F8: variants seen among roughly 807,000 people sequenced by gnomAD.
F8 encodes the protein coagulation factor VIII, also known as antihemophilic factor.
F8 carries 12 observed loss-of-function variants against 140.6 expected under a neutral mutation model. The ratio of observed to expected loss-of-function variants is 0.09; its 90% CI spans 0.05 to 0.14. The LOEUF is 0.14. Ranked by LOEUF, F8 falls within the 10% of genes least tolerant of loss-of-function variation. The pLI is 1.00. For missense variants in F8, 1,354 were observed against 1,720.7 expected (o/e 0.79, Z 3.77); for synonymous variants, 585 against 614.6 (o/e 0.95, Z 0.71).
intron 13 of F8, among the ~76,000 whole-genome samples, chrX:154,946,161 T>C (rs1243249977): frequency 8.9e-6 from 1 of 112,098 alleles, no homozygotes; most frequent in Non-Finnish European, 1.9e-5. Flanking sequence ...ATATCAATGC[T>C]ACCAGATTTA....
chrX:154,972,840 C>G (rs781939468), intron 6 of F8, among the ~76,000 whole-genome samples: 1 of 107,653 alleles, frequency 9.3e-6, no homozygotes, highest in Non-Finnish European at 1.9e-5. Flanking sequence ...CTCAGCCTCC[C>G]AAGTTGCTGG....
At chrX:154,924,697 C>T (rs1044705640) in intron 14 of F8, among the ~76,000 whole-genome samples, 2 of 112,372 alleles carry the variant, frequency 1.8e-5, no homozygotes, top group Non-Finnish European at 3.8e-5. Context: ...CCGCAGCAAA[C>T]TTCTGCCTAG....
intron 14 of F8, among the ~76,000 whole-genome samples, chrX:154,916,009 C>A (rs1212908626): frequency 8.9e-6 from 1 of 111,791 alleles, no homozygotes; most frequent in Non-Finnish European, 1.9e-5. Flanking sequence ...GAGTTTTTAT[C>A]ATGAAGGGAT....
rs1201685654 is a variant in F8, at chrX:154,973,335, G to T, written c.788-3783C>A. On this transcript the variant is annotated intron_variant, in intron 6 of 25. Transcript: ENST00000360256. The stretch of plus-strand genomic sequence containing the variant: ...GCTCAAGACTTCTTTGGCTCTTTGG[G>T]ATTTTTTGTGGTTCCACACAAATCT... Among the ~76,000 whole-genome samples, 3 of 112,093 alleles carry T rather than the reference G, an allele frequency of 2.7e-5. No individual in the cohort carries two copies. In the Admixed American group the frequency reaches 2.8e-4, roughly 11 times the overall value.
At chrX:154,962,360 T>C (rs1237400358) in intron 9 of F8, among the ~76,000 whole-genome samples, 2 of 112,361 alleles carry the variant, frequency 1.8e-5, no homozygotes, top group Non-Finnish European at 1.9e-5. Context: ...AAGTATTCTC[T>C]GCACCTTCTC....
intron 4 of F8, among the ~76,000 whole-genome samples, chrX:154,987,676 T>G (rs1413977732): frequency 2.7e-5 from 3 of 112,827 alleles, no homozygotes; most frequent in Non-Finnish European, 3.8e-5. Flanking sequence ...AATTGTAAAT[T>G]AAAAGTTTTG....
In F8 at chrX:154,850,083, T is replaced by TTGTGTGTG. The variant is rs60052978; in HGVS notation, c.6900+10341_6900+10348dup. 5.7e-3 allele frequency among the ~76,000 whole-genome samples: 548 copies of TTGTGTGTG among 96,071 alleles called. 6 individuals are homozygous for TTGTGTGTG. Among genetic ancestry groups the TTGTGTGTG allele is most frequent in the African/African-American group, 0.018 (466 of 25,564 alleles). The allele number at this position is 96,071 out of a possible 115,157, so 83.4% of individuals were successfully genotyped here. A position where few individuals can be genotyped will look rare whatever the true frequency, so the allele number is the denominator to read the frequency against. On this transcript the variant is annotated intron_variant, in intron 25 of 25. Coordinates refer to ENST00000360256, the MANE Select transcript of F8 (RefSeq NM_000132.4). ...AGATCAAGGGGTAGGCAGGCTTGTT[T>TTGTGTGTG]TGTGTGTGTGTGTGTGTGTGTGTGT...
chrX:154,960,135 G>A (rs1173459952), intron 10 of F8, among the ~76,000 whole-genome samples: 1 of 111,815 alleles, frequency 8.9e-6, no homozygotes, highest in African/African-American at 3.2e-5. Context: ...CTTACTAAAA[G>A]TTGATGTTTA....
intron 22 of F8, among the ~76,000 whole-genome samples, chrX:154,872,281 G>A (rs78940811): frequency 9.0e-5 from 10 of 111,640 alleles, no homozygotes; most frequent in Admixed American, 1.9e-4. Context: ...TCACAATAGC[G>A]AAGACTTGGA....
chrX:154,906,307 T>C (rs1265780228), intron 15 of F8, 113 bp downstream of exon 15: 3 of 645,775 alleles, frequency 4.6e-6, no homozygotes, highest in South Asian at 3.6e-5. Flanking sequence ...AAGATAATTA[T>C]GGAATTATTT....
intron 25 of F8, among the ~76,000 whole-genome samples, chrX:154,850,420 G>A (rs1396616593): frequency 4.6e-5 from 5 of 108,632 alleles, no homozygotes; most frequent in Non-Finnish European, 9.6e-5. Context: ...GAGTTACCAC[G>A]CCTGGCCAGC....
intron 25 of F8, among the ~76,000 whole-genome samples, chrX:154,839,782 G>A (rs926371873): frequency 1.2e-4 from 13 of 110,775 alleles, no homozygotes; most frequent in African/African-American, 2.0e-4. Flanking sequence ...CTCTGTCTCC[G>A]CCACCAAATG....
At chrX:154,985,416 A>C (rs1237012092) in intron 5 of F8, among the ~76,000 whole-genome samples, 1 of 111,041 alleles carries the variant, frequency 9.0e-6, no homozygotes, top group Non-Finnish European at 1.9e-5. Flanking sequence ...AACCTGGGCA[A>C]CAGAGTGAGA....
intron 6 of F8, among the ~76,000 whole-genome samples, chrX:154,973,170 G>A (rs2073467926): frequency 8.9e-6 from 1 of 112,420 alleles, no homozygotes; most frequent in Admixed American, 9.4e-5. Flanking sequence ...TTAAATGTTT[G>A]GGTGTATTTC....
chrX:154,943,572 T>C (rs187006954), intron 13 of F8, among the ~76,000 whole-genome samples: 1,116 of 111,519 alleles, frequency 0.01, 3 homozygotes, highest in Non-Finnish European at 0.016. Flanking sequence ...AGAATCAATA[T>C]CATGAAAATG....
chrX:154,837,827 A>C, intron 25 of F8, 75 bp from the exon 26 acceptor site: 48 of 1,035,322 alleles, frequency 4.6e-5, no homozygotes, highest in Non-Finnish European at 6.1e-5. Context: ...CGCTTTTCTC[A>C]CTTCTAGTTG....
At position 154,904,999 on chromosome X, in the gene F8, G is replaced by C. The variant is rs137852443; in HGVS notation, c.5398C>G (p.Arg1800Gly). The change falls in exon 16 of 26, where the codon CGT becomes GGT. Residue 1800 changes from arginine to glycine, a missense_variant. Coordinates refer to ENST00000360256, the MANE Select transcript of F8 (RefSeq NM_000132.4). ...IMVTFRNQAS[R>G]PYSFYSSLIS... ...AGGCTAGAATAGAAGGAATAGGGAC[G>C]AGAGGCCTGATTTCTGAAAGTTACC... 1 of 1,201,469 alleles carries C rather than the reference G, an allele frequency of 8.3e-7. No homozygotes were observed. The highest frequency in any genetic ancestry group is 1.1e-6 in the Non-Finnish European group (1 of 889,256).
intron 16 of F8, 80 bp from the exon 17 acceptor site, chrX:154,904,604 G>A: frequency 3.2e-6 from 3 of 932,797 alleles, no homozygotes; most frequent in South Asian, 2.0e-5. Context: ...CAATTTTTAT[G>A]CCAGTCCAAC....
chrX:155,022,037 G>C (rs1342177941), intron 1 of F8, among the ~76,000 whole-genome samples: 1 of 111,692 alleles, frequency 9.0e-6, no homozygotes. Context: ...CATGAAACTT[G>C]TGTGTGATAT....
Sources: gnomAD v4.1 joint callset for allele counts (sites outside exome capture counted in the v4.1 genomes callset) on GRCh38, gnomAD v4.1.1 for gene constraint, MANE v1.5 for transcripts, NCBI Gene and HGNC (gene_info 2026-07-23, HGNC 2026-07-21) for gene names.